The following AKT3 variants were observed in gnomAD, a reference collection of about 807,000 sequenced individuals.
The protein encoded by AKT3 is RAC-gamma serine/threonine-protein kinase.
Under a neutral mutation model 65.3 loss-of-function variants are expected in AKT3, and 15 were observed. The ratio of observed to expected loss-of-function variants is 0.23; its 90% CI spans 0.15 to 0.35. The LOEUF is 0.35. AKT3 is among the 10% of genes least tolerant of loss of function. The pLI, the probability that AKT3 is intolerant of heterozygous loss-of-function variation, is 1.00. For missense variants in AKT3, 243 were observed against 576.5 expected (o/e 0.42, Z 5.92); for synonymous variants, 206 against 183.8 (o/e 1.12, Z -0.98).
rs1682648106 is a variant in AKT3, at chr1:243,664,691, A to T, written c.284+81T>A. The T allele has an allele frequency of 5.7e-6, 3 of 522,502 alleles. No individual in the cohort carries two copies. In the South Asian group the frequency reaches 1.1e-4, roughly 20 times the overall value. The allele number at this position is 522,502 out of a possible 1,614,324, so 32.4% of individuals were successfully genotyped here. On this transcript the variant is annotated intron_variant, in intron 4 of 13. Transcript: ENST00000673466. The stretch of plus-strand genomic sequence containing the variant: ...TAAAAAAATATATTTATATATATTT[A>T]CAAATAATAAAGTCAGATACAAATA...
upstream of AKT3, among the ~76,000 whole-genome samples, chr1:243,850,295 AGGCGGCGGCGGC>A (rs34490111): frequency 7.6e-5 from 9 of 118,332 alleles, no homozygotes; most frequent in South Asian, 3.1e-4. Flanking sequence ...CTGGAGCGGG[AGGCGGCGGCGGC>A]GGCGGCGGCG....
intron 8 of AKT3, among the ~76,000 whole-genome samples, chr1:243,581,314 G>A (rs527434247): frequency 1.3e-5 from 2 of 152,218 alleles, no homozygotes; most frequent in Admixed American, 6.5e-5. Flanking sequence ...GCCATAGCCT[G>A]TGGCAACAAA....
At chr1:243,744,543 T>TCCCGGCTAAAACGGTGAAAC (rs1688358148) in intron 2 of AKT3, among the ~76,000 whole-genome samples, 1 of 151,736 alleles carries the variant, frequency 6.6e-6, no homozygotes, top group South Asian at 2.1e-4. Context: ...ATCGAGACCA[T>TCCCGGCTAAAACGGTGAAAC]CCCGGCTAAA....
intron 12 of AKT3, among the ~76,000 whole-genome samples, chr1:243,524,031 C>T (rs922825891): frequency 1.1e-4 from 16 of 152,188 alleles, no homozygotes; most frequent in African/African-American, 3.9e-4. Flanking sequence ...ACACCTAGGC[C>T]ATATGGGATG....
intron 8 of AKT3, among the ~76,000 whole-genome samples, chr1:243,580,854 G>A (rs185683338): frequency 1.9e-4 from 29 of 152,116 alleles, no homozygotes; most frequent in East Asian, 1.4e-3. Context: ...CTGAGCCACC[G>A]CACTCCTCCT....
At chr1:243,651,436 T>C (rs778320995) in intron 4 of AKT3, among the ~76,000 whole-genome samples, 18 of 152,278 alleles carry the variant, frequency 1.2e-4, no homozygotes, top group Admixed American at 2.0e-4. Context: ...CTATGTTGAA[T>C]AGGAGTGGTG....
At chr1:243,535,358 C>G (rs376331998) in intron 12 of AKT3, among the ~76,000 whole-genome samples, 10 of 151,992 alleles carry the variant, frequency 6.6e-5, no homozygotes, top group Non-Finnish European at 1.3e-4. Context: ...CTTTTCATCC[C>G]TCACCTCCCT....
intron 6 of AKT3, among the ~76,000 whole-genome samples, chr1:243,620,161 A>G (rs1678627258): frequency 1.0e-5 from 1 of 96,792 alleles, no homozygotes; most frequent in South Asian, 3.1e-4. Context: ...AATTCTTAGG[A>G]GCTCTGATGG....
chr1:243,850,495 G>A (rs974311704), upstream of AKT3, among the ~76,000 whole-genome samples: 1 of 151,402 alleles, frequency 6.6e-6, no homozygotes. Flanking sequence ...GCGGGGAGGG[G>A]TTCTGCGGCC....
At chr1:243,844,806 C>T (rs1240609965) in intron 1 of AKT3, among the ~76,000 whole-genome samples, 1 of 152,146 alleles carries the variant, frequency 6.6e-6, no homozygotes, top group Non-Finnish European at 1.5e-5. Context: ...GCGGGAAAGT[C>T]CTCAAAAACA....
At chr1:243,557,212 A>G (rs1177628905) in intron 10 of AKT3, among the ~76,000 whole-genome samples, 1 of 152,114 alleles carries the variant, frequency 6.6e-6, no homozygotes, top group Non-Finnish European at 1.5e-5. Flanking sequence ...TTCTGAAGCA[A>G]TAGACATTAT....
chr1:243,676,882 C>A (rs1004023752), intron 3 of AKT3, among the ~76,000 whole-genome samples: 1 of 152,140 alleles, frequency 6.6e-6, no homozygotes, highest in Non-Finnish European at 1.5e-5. Flanking sequence ...CCTTTTCTAC[C>A]CTTCTCCCTA....
chr1:243,599,487 G>A (rs974963004), intron 8 of AKT3, among the ~76,000 whole-genome samples: 1 of 152,110 alleles, frequency 6.6e-6, no homozygotes, highest in African/African-American at 2.4e-5. Flanking sequence ...CAGATAGAAG[G>A]TAAGAAAATA....
At chr1:243,526,770 A>G in intron 12 of AKT3, among the ~76,000 whole-genome samples, 1 of 121,052 alleles carries the variant, frequency 8.3e-6, no homozygotes, top group Non-Finnish European at 1.7e-5. Flanking sequence ...CTGCACTACA[A>G]AAAATGGTTA....
At chr1:243,832,708 T>C (rs1202808187) in intron 2 of AKT3, among the ~76,000 whole-genome samples, 1 of 152,128 alleles carries the variant, frequency 6.6e-6, no homozygotes, top group African/African-American at 2.4e-5. Flanking sequence ...AAAGTCTTAC[T>C]AGTTTGAAGA....
chr1:243,501,285 CTAAGTT>C lies in AKT3; in HGVS notation c.*3958_*3963del, dbSNP rs1669275589. On this transcript the variant is annotated 3_prime_UTR_variant, in exon 14 of 14. Coordinates refer to ENST00000673466, the MANE Select transcript of AKT3 (RefSeq NM_005465.7). ...TCCTACCCATCTACATCACCCACGT[CTAAGTT>C]TGTTAATTTGCCATGACATGTTGTT... is the stretch of plus-strand genomic sequence containing the variant. The C allele has an allele frequency of 4.3e-6, 1 of 233,116 alleles. No individual in the cohort carries two copies. The highest frequency in any genetic ancestry group is 8.5e-6 in the Non-Finnish European group (1 of 117,940). The allele number at this position is 233,116 out of a possible 1,614,324, so 14.4% of individuals were successfully genotyped here. A position where few individuals can be genotyped will look rare whatever the true frequency, so the allele number is the denominator to read the frequency against.
rs1280703173 is a variant in AKT3, at chr1:243,568,241, T to C, written c.820-4393A>G. Reference sequence around the variant, plus strand: ...TGAAACTTTACATGCATCTGTTTAATATTCACAGCCAATCTCAGTTTCCAA... The same window carrying C: ...TGAAACTTTACATGCATCTGTTTAACATTCACAGCCAATCTCAGTTTCCAA... On this transcript the variant is annotated intron_variant, in intron 9 of 13. Coordinates refer to ENST00000673466, the MANE Select transcript of AKT3 (RefSeq NM_005465.7). Among the ~76,000 whole-genome samples, 3 of 152,208 alleles carry C rather than the reference T, an allele frequency of 2.0e-5. No individual in the cohort carries two copies. The East Asian group carries it at 5.8e-4, about 29-fold the overall frequency.
intron 12 of AKT3, among the ~76,000 whole-genome samples, chr1:243,516,394 T>C (rs1480964748): frequency 6.6e-6 from 1 of 152,220 alleles, no homozygotes; most frequent in Non-Finnish European, 1.5e-5. Flanking sequence ...AGGTGAGAAA[T>C]ACATCAATTT....
intron 12 of AKT3, among the ~76,000 whole-genome samples, chr1:243,523,260 A>AACACACACACACACACACAC (rs547403507): frequency 3.7e-4 from 47 of 126,506 alleles, no homozygotes; most frequent in Non-Finnish European, 5.8e-4. Flanking sequence ...AAAAAGGACG[A>AACACACACACACACACACAC]ACACACACAC....
Sources: allele counts gnomAD v4.1 joint callset (sites outside exome capture counted in the v4.1 genomes callset), GRCh38; gene constraint gnomAD v4.1.1; transcripts MANE v1.5; gene names NCBI Gene and HGNC (gene_info 2026-07-23, HGNC 2026-07-21).